MTHFD1: variants seen among roughly 807,000 people sequenced by gnomAD.
MTHFD1 encodes methylenetetrahydrofolate dehydrogenase, cyclohydrolase and formyltetrahydrofolate synthetase 1.
MTHFD1 carries 44 observed loss-of-function variants against 110.3 expected under a neutral mutation model. The observed-to-expected ratio is 0.40, with a 90% CI of 0.31 to 0.51. The LOEUF (loss-of-function observed/expected upper bound fraction) is 0.51, where lower values mean the gene tolerates loss of function less well. Among genes scored for constraint, MTHFD1 ranks in the 20% least tolerant of loss-of-function variants. The pLI is 0.60. For synonymous variants in MTHFD1, 402 were observed against 428.8 expected, an observed-to-expected ratio of 0.94 and a Z score of 0.77; for missense variants, 909 against 1,173.1, an observed-to-expected ratio of 0.77 and a Z score of 3.29.
At chr14:64,424,742 G>A (rs1195666663) in intron 8 of MTHFD1, 62 bp from the exon 9 acceptor site, 28 of 1,596,772 alleles carry the variant, frequency 1.8e-5, no homozygotes, top group Middle Eastern at 2.1e-4. Context: ...AGTTTTTGTC[G>A]TAACTGATCA....
At chr14:64,436,676 C>T (rs927183382) in intron 16 of MTHFD1, among the ~76,000 whole-genome samples, 3 of 152,160 alleles carry the variant, frequency 2.0e-5, no homozygotes, top group African/African-American at 4.8e-5. Context: ...GACTCAATAA[C>T]CGTTGCTAGC....
intron 15 of MTHFD1, among the ~76,000 whole-genome samples, chr14:64,434,481 A>G (rs2140970370): frequency 6.6e-6 from 1 of 152,284 alleles, no homozygotes; most frequent in South Asian, 2.1e-4. Context: ...CCTTGAACCC[A>G]GAAGTTCAAG....
chr14:64,427,710 TG>T (rs1260950927), intron 12 of MTHFD1, among the ~76,000 whole-genome samples: 1 of 152,212 alleles, frequency 6.6e-6, no homozygotes, highest in East Asian at 1.9e-4. Flanking sequence ...GATATGTAGC[TG>T]GAGGTGCTTT....
At chr14:64,425,643 T>C in intron 9 of MTHFD1, 87 bp from the exon 10 acceptor site, 1 of 1,098,638 alleles carries the variant, frequency 9.1e-7, no homozygotes, top group African/African-American at 1.5e-5. Flanking sequence ...CATTTTGTGA[T>C]TGAACTGGAG....
At chr14:64,415,206 C>T (rs2078015697) in intron 4 of MTHFD1, 152 bp from the exon 5 acceptor site, 3 of 671,596 alleles carry the variant, frequency 4.5e-6, no homozygotes, top group South Asian at 3.4e-5. Context: ...AGTACAGGTG[C>T]TCTCAGGATT....
intron 1 of MTHFD1, among the ~76,000 whole-genome samples, chr14:64,395,412 C>A (rs1198572766): frequency 6.6e-6 from 1 of 152,140 alleles, no homozygotes. Flanking sequence ...ATGCTGCCTA[C>A]CCCCTCATCC....
At chr14:64,414,402 A>T (rs750392999) in intron 4 of MTHFD1, among the ~76,000 whole-genome samples, 3 of 146,200 alleles carry the variant, frequency 2.1e-5, no homozygotes, top group African/African-American at 7.7e-5. Flanking sequence ...AGCGATTCTC[A>T]TGCCTCAGCC....
chr14:64,457,275 C>A (rs1050631696), intron 26 of MTHFD1, among the ~76,000 whole-genome samples: 1 of 152,154 alleles, frequency 6.6e-6, no homozygotes, highest in Non-Finnish European at 1.5e-5. Flanking sequence ...CCTGTACCTC[C>A]TTTTGGTCTT....
At chr14:64,441,888 T>C (rs961598956) in intron 19 of MTHFD1, 166 bp from the exon 20 acceptor site, 4 of 684,628 alleles carry the variant, frequency 5.8e-6, no homozygotes, top group Non-Finnish European at 1.1e-5. Context: ...TCATTCTTCC[T>C]CACACCTGTG....
chr14:64,414,521 G>A (rs185743690), intron 4 of MTHFD1, among the ~76,000 whole-genome samples: 242 of 151,688 alleles, frequency 1.6e-3, no homozygotes, highest in Non-Finnish European at 2.9e-3. Flanking sequence ...CAAACTCCTG[G>A]CTTCAAGTGA....
chr14:64,441,405 A>G lies in MTHFD1; in HGVS notation c.1836A>G (p.Thr612=), dbSNP rs565152443. 6.2e-7 allele frequency: 1 copy of G among 1,614,062 alleles called. No homozygotes were observed. The highest frequency in any genetic ancestry group is 1.7e-5 in the Admixed American group (1 of 60,020). ...TGTAGGGGGTGAGTGGTGCACTGAC[A>G]GTGCTTATGAAGGACGCAATCAAGC... ...AEDLGVSGAL[T]VLMKDAIKPN... is the part of the protein sequence containing the mutation. Residue 612 remains threonine, a synonymous_variant, in exon 19 of 28, where the codon ACA becomes ACG. Transcript: ENST00000652337.
At chr14:64,392,220 T>C (rs942233098) in intron 1 of MTHFD1, among the ~76,000 whole-genome samples, 1 of 152,200 alleles carries the variant, frequency 6.6e-6, no homozygotes, top group Non-Finnish European at 1.5e-5. Flanking sequence ...TCAATGGCAA[T>C]GGCCCTGTGA....
intron 16 of MTHFD1, among the ~76,000 whole-genome samples, chr14:64,436,182 C>T (rs2078204916): frequency 6.6e-6 from 1 of 152,014 alleles, no homozygotes; most frequent in Non-Finnish European, 1.5e-5. Flanking sequence ...GCAAGCTCTG[C>T]CTCCCAGGTT....
chr14:64,388,420 T>C lies in MTHFD1; in HGVS notation c.-8T>C. 1.2e-6 allele frequency: 2 copies of C among 1,614,136 alleles called. No individual in the cohort carries two copies. Among genetic ancestry groups the C allele is most frequent in the Non-Finnish European group, 1.7e-6 (2 of 1,180,052 alleles). On this transcript the variant is annotated 5_prime_UTR_variant, in exon 1 of 28. Transcript: ENST00000652337. ...GTGTCCATCGTGGGCAGCGGACTAATAAAGGCCATGGCGCCAGCAGAAATC... is the reference window on the plus strand; with the variant it reads ...GTGTCCATCGTGGGCAGCGGACTAACAAAGGCCATGGCGCCAGCAGAAATC...
chr14:64,421,918 C>G (rs923406707), intron 8 of MTHFD1, among the ~76,000 whole-genome samples: 2 of 152,148 alleles, frequency 1.3e-5, no homozygotes, highest in Non-Finnish European at 2.9e-5. Context: ...AGCCACCGCA[C>G]CCAGCAAGCT....
intron 2 of MTHFD1, among the ~76,000 whole-genome samples, chr14:64,406,047 A>T (rs8018342): frequency 0.81 from 119,062 of 147,590 alleles, 48,430 homozygotes; most frequent in South Asian, 0.91. Flanking sequence ...TATTATTATT[A>T]TTTTTTTTGA....
At chr14:64,444,925 A>C in intron 22 of MTHFD1, 191 bp downstream of exon 22, 1 of 633,108 alleles carries the variant, frequency 1.6e-6, no homozygotes, top group Non-Finnish European at 2.9e-6. Context: ...ACAAAATAGA[A>C]TTGTCCCACA....
intron 8 of MTHFD1, chr14:64,422,864 C>T (rs1401285152): frequency 1.3e-5 from 2 of 152,114 alleles, no homozygotes; most frequent in African/African-American, 4.8e-5. Flanking sequence ...ATCCTATCCA[C>T]GAAGCACTGC....
chr14:64,427,582 A>C (rs552059116), intron 12 of MTHFD1, 109 bp downstream of exon 12: 1 of 1,085,074 alleles, frequency 9.2e-7, no homozygotes, highest in African/African-American at 1.5e-5. Context: ...TCATTTCAAC[A>C]CCAGGAATGT....
Sources: gnomAD v4.1 joint callset for allele counts (sites outside exome capture counted in the v4.1 genomes callset) on GRCh38, gnomAD v4.1.1 for gene constraint, MANE v1.5 for transcripts, NCBI Gene and HGNC (gene_info 2026-07-23, HGNC 2026-07-21) for gene names.